CDKL4: variants seen among roughly 807,000 people sequenced by gnomAD.
The protein encoded by CDKL4 is cyclin-dependent kinase-like 4.
CDKL4 carries 44 observed loss-of-function variants against 42.0 expected under a neutral mutation model. The ratio of observed to expected loss-of-function variants is 1.05; its 90% CI spans 0.82 to 1.35. The LOEUF is 1.35. Among genes scored for constraint, CDKL4 ranks in the 40% most tolerant of loss-of-function variants. The pLI is 0.00. For synonymous variants in CDKL4, 120 were observed against 121.6 expected (o/e 0.99, Z 0.09); for missense variants, 393 against 369.9 (o/e 1.06, Z -0.51).
At chr2:39,192,828 T>C (rs1291305613) in intron 5 of CDKL4, among the ~76,000 whole-genome samples, 1 of 152,054 alleles carries the variant, frequency 6.6e-6, no homozygotes, top group Middle Eastern at 3.2e-3. Context: ...TTTTTCTGTA[T>C]TTAGAATTAT....
chr2:39,170,444 T>A, the CDKL4 span, among the ~76,000 whole-genome samples: 1 of 151,628 alleles, frequency 6.6e-6, no homozygotes, highest in Admixed American at 6.6e-5. Flanking sequence ...CAGTTTTTAG[T>A]TTTTTGTTGT....
At chr2:39,203,910 G>A (rs1418279573) in intron 5 of CDKL4, among the ~76,000 whole-genome samples, 1 of 152,080 alleles carries the variant, frequency 6.6e-6, no homozygotes, top group African/African-American at 2.4e-5. Context: ...CTCGTGTTTG[G>A]GTCCCATCAG....
At chr2:39,195,642 T>C (rs948009762) in intron 5 of CDKL4, among the ~76,000 whole-genome samples, 1 of 123,578 alleles carries the variant, frequency 8.1e-6, no homozygotes, top group South Asian at 2.5e-4. Flanking sequence ...TTTTAATTAA[T>C]TTTTTTTTTT....
At chr2:39,238,873 TC>T (rs1378805394) in intron 1 of CDKL4, among the ~76,000 whole-genome samples, 1 of 152,216 alleles carries the variant, frequency 6.6e-6, no homozygotes, top group Non-Finnish European at 1.5e-5. Context: ...TGCCTCAGTC[TC>T]CCAAGTAGCT....
At chr2:39,245,541 C>G (rs1010792830), upstream of CDKL4, among the ~76,000 whole-genome samples, 4 of 152,186 alleles carry the variant, frequency 2.6e-5, no homozygotes, top group African/African-American at 9.7e-5. Context: ...TGGGTATAAC[C>G]TCGGGGCCGA....
At chr2:39,203,062 T>A (rs1458262792) in intron 5 of CDKL4, among the ~76,000 whole-genome samples, 2 of 152,184 alleles carry the variant, frequency 1.3e-5, no homozygotes, top group Non-Finnish European at 2.9e-5. Context: ...GTTCATGCAG[T>A]CAAAATTTCT....
intron 9 of CDKL4, chr2:39,178,549 A>G (rs1433990279): frequency 2.6e-6 from 4 of 1,550,830 alleles, no homozygotes; most frequent in Middle Eastern, 1.7e-4. Context: ...CATGGAGTTT[A>G]CGATTTAACT....
intron 3 of CDKL4, 98 bp from the exon 4 acceptor site, chr2:39,213,570 TC>T (rs1483474133): frequency 2.9e-6 from 2 of 692,278 alleles, no homozygotes; most frequent in African/African-American, 3.6e-5. Flanking sequence ...ACTGTCCTCT[TC>T]AAGGAACACC....
intron 5 of CDKL4, among the ~76,000 whole-genome samples, chr2:39,199,049 A>G (rs1258127959): frequency 6.6e-6 from 1 of 152,150 alleles, no homozygotes; most frequent in African/African-American, 2.4e-5. Flanking sequence ...TGAAACACAA[A>G]TCTGGTTCTT....
intron 8 of CDKL4, among the ~76,000 whole-genome samples, chr2:39,181,531 A>G (rs754388014): frequency 1.3e-5 from 2 of 152,084 alleles, no homozygotes; most frequent in Non-Finnish European, 2.9e-5. Flanking sequence ...GTTGAGTTGT[A>G]TCGCCGCAAA....
chr2:39,182,331 C>G (rs897894157), intron 8 of CDKL4, among the ~76,000 whole-genome samples: 1 of 152,158 alleles, frequency 6.6e-6, no homozygotes, highest in East Asian at 1.9e-4. Context: ...CTATTGAAAT[C>G]TAGTCCATCA....
At chr2:39,170,652 T>C (rs1674975337), downstream of CDKL4, among the ~76,000 whole-genome samples, 4 of 152,064 alleles carry the variant, frequency 2.6e-5, no homozygotes, top group South Asian at 8.3e-4. Flanking sequence ...AGACGGGGTT[T>C]CGCCATGTTG....
intron 1 of CDKL4, among the ~76,000 whole-genome samples, chr2:39,238,661 C>T (rs1679491795): frequency 6.6e-6 from 1 of 151,994 alleles, no homozygotes. Context: ...ACTGTGGTAC[C>T]AGCATAAAGA....
intron 1 of CDKL4, among the ~76,000 whole-genome samples, chr2:39,231,634 T>G (rs1225894917): frequency 1.3e-5 from 2 of 152,170 alleles, no homozygotes; most frequent in Non-Finnish European, 2.9e-5. Context: ...GCCCTATTAG[T>G]TATACTGTAT....
the CDKL4 span, among the ~76,000 whole-genome samples, chr2:39,169,405 A>G: frequency 6.6e-6 from 1 of 152,084 alleles, no homozygotes; most frequent in Non-Finnish European, 1.5e-5. Context: ...TGTTTGCGTG[A>G]GTGTGAAAGC....
At chr2:39,190,266 C>T in intron 6 of CDKL4, 39 bp downstream of exon 6, 1 of 1,431,784 alleles carries the variant, frequency 7.0e-7, no homozygotes, top group Non-Finnish European at 9.8e-7. Context: ...AATGCTATAA[C>T]AATTCAGCAA....
chr2:39,187,688 T>A, exon 7 of CDKL4: 1 of 1,612,272 alleles, frequency 6.2e-7, no homozygotes, highest in Non-Finnish European at 8.5e-7. Context: ...AAAGATTGAT[T>A]GATGTCTTGG....
At chr2:39,188,820 G>A (rs1425710190) in intron 6 of CDKL4, among the ~76,000 whole-genome samples, 1 of 152,014 alleles carries the variant, frequency 6.6e-6, no homozygotes, top group Non-Finnish European at 1.5e-5. Context: ...CTCCCGAGTA[G>A]CTGGAACTAC....
chr2:39,240,128 C>T (rs190229298), intron 1 of CDKL4, among the ~76,000 whole-genome samples: 24 of 136,484 alleles, frequency 1.8e-4, no homozygotes, highest in Admixed American at 1.4e-3. Context: ...AAAAATTAAC[C>T]GCCAGGCGTG....
Sources: allele counts gnomAD v4.1 joint callset (sites outside exome capture counted in the v4.1 genomes callset), GRCh38; gene constraint gnomAD v4.1.1; transcripts MANE v1.5; gene names NCBI Gene and HGNC (gene_info 2026-07-23, HGNC 2026-07-21).